The following ARHGEF7 variants were observed in gnomAD, a reference collection of about 807,000 sequenced individuals.
ARHGEF7 encodes the protein PAK-interacting exchange factor beta.
ARHGEF7 carries 33 observed loss-of-function variants against 109.8 expected under a neutral mutation model. The observed-to-expected ratio is 0.30, with a 90% CI of 0.23 to 0.40. The LOEUF is 0.40. Among genes scored for constraint, ARHGEF7 ranks in the 10% least tolerant of loss-of-function variants. The probability of loss-of-function intolerance (pLI) is 1.00; values close to 1 mark genes in which losing one functional copy is unlikely to be tolerated. For missense variants in ARHGEF7, 938 were observed against 1,098.5 expected (o/e 0.85, Z 2.07); for synonymous variants, 458 against 424.6 (o/e 1.08, Z -0.97).
chr13:111,207,787 T>C (rs1003655409), intron 3 of ARHGEF7, among the ~76,000 whole-genome samples: 14 of 152,344 alleles, frequency 9.2e-5, no homozygotes, highest in Admixed American at 9.2e-4. Context: ...CAGAATCCAG[T>C]AGCTCTCAGG....
chr13:111,129,647 G>A (rs1180799353), intron 1 of ARHGEF7, among the ~76,000 whole-genome samples: 2 of 152,214 alleles, frequency 1.3e-5, no homozygotes, highest in East Asian at 1.9e-4. Flanking sequence ...CATTAGGGAA[G>A]TGGAAATGAA....
chr13:111,155,842 G>A (rs527861818), intron 2 of ARHGEF7, among the ~76,000 whole-genome samples: 2 of 152,120 alleles, frequency 1.3e-5, no homozygotes, highest in African/African-American at 2.4e-5. Flanking sequence ...TTGGGAGGCC[G>A]AGGCGGGTGG....
At chr13:111,198,730 A>C (rs2080867515) in intron 2 of ARHGEF7, among the ~76,000 whole-genome samples, 1 of 152,220 alleles carries the variant, frequency 6.6e-6, no homozygotes, top group African/African-American at 2.4e-5. Flanking sequence ...GCAAAAGAAC[A>C]AAGCTTCCAC....
intron 2 of ARHGEF7, chr13:111,187,064 T>C (rs964712329): frequency 2.1e-5 from 20 of 971,248 alleles, no homozygotes; most frequent in Non-Finnish European, 2.3e-5. Context: ...GTGAAAGCAG[T>C]TGGGCTGGAA....
At chr13:111,214,537 A>T (rs995789730) in intron 4 of ARHGEF7, among the ~76,000 whole-genome samples, 4 of 152,218 alleles carry the variant, frequency 2.6e-5, no homozygotes, top group Non-Finnish European at 4.4e-5. Context: ...ACAGCTAGTG[A>T]GTGGAGATGG....
At chr13:111,227,843 G>A (rs1334706843) in intron 5 of ARHGEF7, among the ~76,000 whole-genome samples, 7 of 152,162 alleles carry the variant, frequency 4.6e-5, no homozygotes, top group African/African-American at 1.2e-4. Flanking sequence ...ATTTTGTTCC[G>A]TGAAGATTCA....
At chr13:111,296,588 C>A (rs113012670) in intron 19 of ARHGEF7, among the ~76,000 whole-genome samples, 1 of 152,156 alleles carries the variant, frequency 6.6e-6, no homozygotes, top group African/African-American at 2.4e-5. Flanking sequence ...TAAGAACCAA[C>A]CAGCTGTTTT....
chr13:111,301,639 T>C, intron 21 of ARHGEF7, 107 bp downstream of exon 21: 1 of 887,264 alleles, frequency 1.1e-6, no homozygotes, highest in Non-Finnish European at 1.8e-6. Flanking sequence ...ACACCTATAA[T>C]CCCAGCACTT....
At chr13:111,286,349 A>G in intron 17 of ARHGEF7, 109 bp downstream of exon 17, 1 of 863,270 alleles carries the variant, frequency 1.2e-6, no homozygotes, top group Non-Finnish European at 1.9e-6. Context: ...CTCCAAACAA[A>G]AGTAAGGTCT....
In ARHGEF7 at chr13:111,275,589, G is replaced by A. The variant is rs781586976; in HGVS notation, c.1330G>A (p.Ala444Thr). 1 of 1,614,180 alleles carries A rather than the reference G, an allele frequency of 6.2e-7. No homozygotes were observed. The highest frequency in any genetic ancestry group is 8.5e-7 in the Non-Finnish European group (1 of 1,180,038). ...KELELQILTEAIRNWEGDDIK... is the reference protein window; with the variant it reads ...KELELQILTETIRNWEGDDIK... ...GCTTGAGCTGCAGATCCTGACGGAA[G>A]CCATCCGGAACTGGGAGGGCGATGA... Residue 444 changes from alanine (A) to threonine (T), a missense_variant, in exon 12 of 22, where the codon GCC becomes ACC. Transcript: ENST00000646102.
At chr13:111,135,376 TA>T (rs1259670187) in intron 1 of ARHGEF7, among the ~76,000 whole-genome samples, 1 of 152,214 alleles carries the variant, frequency 6.6e-6, no homozygotes, top group Non-Finnish European at 1.5e-5. Context: ...ATTGAATCTA[TA>T]AATTACCTTG....
At chr13:111,117,102 T>A (rs1413538611) in intron 1 of ARHGEF7, among the ~76,000 whole-genome samples, 4 of 152,180 alleles carry the variant, frequency 2.6e-5, no homozygotes, top group Admixed American at 2.6e-4. Context: ...AGTGTTGAAA[T>A]GCATGCAAAG....
intron 13 of ARHGEF7, among the ~76,000 whole-genome samples, chr13:111,278,134 G>T (rs1442254685): frequency 6.6e-6 from 1 of 152,210 alleles, no homozygotes; most frequent in African/African-American, 2.4e-5. Context: ...GTGTGTGATC[G>T]TTGAACCTTT....
intron 2 of ARHGEF7, among the ~76,000 whole-genome samples, chr13:111,175,119 T>C (rs1022641212): frequency 1.3e-5 from 2 of 152,182 alleles, no homozygotes; most frequent in African/African-American, 2.4e-5. Flanking sequence ...AAATTGAATA[T>C]TTGTTTGTGG....
At chr13:111,249,314 A>G (rs2089407734) in intron 8 of ARHGEF7, among the ~76,000 whole-genome samples, 1 of 152,106 alleles carries the variant, frequency 6.6e-6, no homozygotes. Context: ...GCTAACTAAA[A>G]AGTGATTCAG....
Position 111,130,175 on chromosome 13 carries a change from G to A in ARHGEF7, c.165+14484G>A, listed in dbSNP as rs79415010. Among the ~76,000 whole-genome samples the A allele has an allele frequency of 9.7e-3, 1,473 of 152,294 alleles. 10 individuals carry two copies. Among genetic ancestry groups the A allele is most frequent in the Non-Finnish European group, 0.017 (1,124 of 68,026 alleles). On this transcript the variant is annotated intron_variant, in intron 1 of 21. Coordinates refer to ENST00000646102, the MANE Select transcript of ARHGEF7 (RefSeq NM_001354046.2). ...AGTGACAGAAAGTAAATCAGTGCTCGCTTGGGGACAATAGCTGGGGTAGGA... is the reference window on the plus strand; with the variant it reads ...AGTGACAGAAAGTAAATCAGTGCTCACTTGGGGACAATAGCTGGGGTAGGA...
chr13:111,203,964 G>A (rs2081472618), intron 2 of ARHGEF7, among the ~76,000 whole-genome samples: 1 of 152,196 alleles, frequency 6.6e-6, no homozygotes, highest in African/African-American at 2.4e-5. Flanking sequence ...CCCCTGTGCT[G>A]GGTGTTGGGA....
At position 111,115,407 on chromosome 13, in the gene ARHGEF7, TCGCCGG is replaced by T. The variant is rs1298900021; in HGVS notation, c.-112_-107del. 5 of 726,776 alleles carry T rather than the reference TCGCCGG, an allele frequency of 6.9e-6. No individual in the cohort carries two copies. In the African/African-American group the frequency reaches 9.9e-5, roughly 14 times the overall value. The allele number at this position is 726,776 out of a possible 1,614,324, so 45.0% of individuals were successfully genotyped here. ...GACCTGCTGGGCCGCGCCGAGCCAA[TCGCCGG>T]CGCCGGCCGCTCGATGGGCGAGGCG... On this transcript the variant is annotated 5_prime_UTR_variant, in exon 1 of 22. Transcript: ENST00000646102.
At chr13:111,133,217 ATG>A (rs2074871429) in intron 1 of ARHGEF7, among the ~76,000 whole-genome samples, 1 of 152,082 alleles carries the variant, frequency 6.6e-6, no homozygotes, top group South Asian at 2.1e-4. Context: ...ATGTGTATAT[ATG>A]TGTGCATTAT....
Sources: gnomAD v4.1 joint callset for allele counts (sites outside exome capture counted in the v4.1 genomes callset) on GRCh38, gnomAD v4.1.1 for gene constraint, MANE v1.5 for transcripts, NCBI Gene and HGNC (gene_info 2026-07-23, HGNC 2026-07-21) for gene names.